TAFA2: variants seen among roughly 807,000 people sequenced by gnomAD.
TAFA2 encodes chemokine-like protein TAFA-2.
TAFA2 carries 7 observed loss-of-function variants against 18.8 expected under a neutral mutation model. The ratio of observed to expected loss-of-function variants is 0.37; its 90% CI spans 0.21 to 0.70. The LOEUF (loss-of-function observed/expected upper bound fraction) is 0.70. TAFA2 is among the 30% of genes least tolerant of loss of function. TAFA2 has a pLI of 0.53. For missense variants in TAFA2, 122 were observed against 158.1 expected (o/e 0.77, Z 1.23); for synonymous variants, 60 against 54.2 (o/e 1.11, Z -0.47).
At chr12:61,903,500 G>T (rs116004575) in intron 1 of TAFA2, among the ~76,000 whole-genome samples, 1 of 151,952 alleles carries the variant, frequency 6.6e-6, no homozygotes, top group African/African-American at 2.4e-5. Flanking sequence ...TCTAAGTTCC[G>T]TAAGAGAAAA....
intron 1 of TAFA2, among the ~76,000 whole-genome samples, chr12:61,909,034 A>T (rs1876489096): frequency 6.6e-6 from 1 of 152,336 alleles, no homozygotes; most frequent in South Asian, 2.1e-4. Flanking sequence ...ACTGTCGGAC[A>T]GTTACAAGAG....
intron 1 of TAFA2, among the ~76,000 whole-genome samples, chr12:61,980,631 G>T (rs1047213622): frequency 1.6e-4 from 25 of 152,118 alleles, no homozygotes; most frequent in African/African-American, 5.8e-4. Flanking sequence ...AAATCAATGT[G>T]CAAAAATCAC....
chr12:61,785,497 T>C (rs1304737487), intron 2 of TAFA2, among the ~76,000 whole-genome samples: 1 of 151,498 alleles, frequency 6.6e-6, no homozygotes, highest in Admixed American at 6.6e-5. Flanking sequence ...TATCACATTG[T>C]ACTAGAGGGT....
intron 2 of TAFA2, among the ~76,000 whole-genome samples, chr12:61,810,232 A>C (rs1871808823): frequency 6.6e-6 from 1 of 151,426 alleles, no homozygotes; most frequent in Admixed American, 6.6e-5. Flanking sequence ...TTTTTGATAT[A>C]TCAAACTTAA....
intron 2 of TAFA2, among the ~76,000 whole-genome samples, chr12:61,756,336 A>T (rs1869266676): frequency 6.6e-6 from 1 of 152,120 alleles, no homozygotes; most frequent in Admixed American, 6.6e-5. Flanking sequence ...TCAAACACAA[A>T]TCTATCTCTA....
chr12:61,857,409 C>T (rs1412205938), intron 2 of TAFA2, among the ~76,000 whole-genome samples: 1 of 152,018 alleles, frequency 6.6e-6, no homozygotes, highest in Non-Finnish European at 1.5e-5. Flanking sequence ...CCAGTATTTT[C>T]AGAGTGGTGA....
intron 2 of TAFA2, among the ~76,000 whole-genome samples, chr12:61,864,549 G>A (rs747880314): frequency 4.0e-5 from 6 of 151,154 alleles, no homozygotes; most frequent in Non-Finnish European, 5.9e-5. Context: ...CGAGGCGGGC[G>A]GATCACGAGG....
chr12:62,113,691 C>T (rs935107558), intron 1 of TAFA2, among the ~76,000 whole-genome samples: 13 of 152,118 alleles, frequency 8.5e-5, no homozygotes, highest in Non-Finnish European at 1.6e-4. Flanking sequence ...ATGCCCTGCC[C>T]AGAGAGGAGA....
intron 1 of TAFA2, among the ~76,000 whole-genome samples, chr12:62,001,486 G>A (rs1247078318): frequency 2.0e-5 from 3 of 152,136 alleles, no homozygotes; most frequent in Non-Finnish European, 4.4e-5. Context: ...GGTGATGGGA[G>A]ACAGTGACAA....
At position 62,009,453 on chromosome 12, in the gene TAFA2, G is replaced by A. The variant is rs543471907; in HGVS notation, c.-1-142027C>T. Among the ~76,000 whole-genome samples, 14 of 152,200 alleles carry A rather than the reference G, an allele frequency of 9.2e-5. No individual in the cohort carries two copies. In the South Asian group the frequency reaches 1.2e-3, roughly 14 times the overall value. On this transcript the variant is annotated intron_variant, in intron 1 of 4. Coordinates refer to ENST00000416284, the MANE Select transcript of TAFA2 (RefSeq NM_178539.5). ...TACATAATCCCAACCTCTTTAGAGC[G>A]GACAGAAGATATAACATGGCACAGA...
At chr12:62,121,497 A>G (rs1009112696) in intron 1 of TAFA2, among the ~76,000 whole-genome samples, 8 of 152,166 alleles carry the variant, frequency 5.3e-5, no homozygotes, top group African/African-American at 1.9e-4. Flanking sequence ...AAATTACATG[A>G]TGTATGAGAG....
intron 1 of TAFA2, among the ~76,000 whole-genome samples, chr12:62,139,517 T>G (rs1010024515): frequency 6.6e-6 from 1 of 152,174 alleles, no homozygotes; most frequent in Non-Finnish European, 1.5e-5. Flanking sequence ...TAATCTAATA[T>G]AAAATCAAAC....
chr12:62,022,711 G>A (rs1353006020), intron 1 of TAFA2, among the ~76,000 whole-genome samples: 1 of 152,146 alleles, frequency 6.6e-6, no homozygotes, highest in African/African-American at 2.4e-5. Context: ...TTAGGCAAAT[G>A]TACTGAACAG....
rs151182053 is a variant in TAFA2 at position 61,737,443 on chromosome 12, A to C, written c.384+16179T>G. 4.3e-3 allele frequency among the ~76,000 whole-genome samples: 652 copies of C among 152,056 alleles called. 6 individuals are homozygous for C. Among genetic ancestry groups the C allele is most frequent in the African/African-American group, 0.014 (575 of 41,524 alleles). On this transcript the variant is annotated intron_variant, in intron 4 of 4. Transcript: ENST00000416284. ...TATCTAATAGTAATAGTGATGAGAA[A>C]GACAATGATGAATATAGATTTTCAG... is the stretch of plus-strand genomic sequence containing the variant.
At chr12:61,926,455 C>G (rs923292272) in intron 1 of TAFA2, among the ~76,000 whole-genome samples, 1 of 152,104 alleles carries the variant, frequency 6.6e-6, no homozygotes, top group Non-Finnish European at 1.5e-5. Flanking sequence ...CAATAAAATA[C>G]GGGCAAACCA....
At chr12:61,773,475 A>T (rs568241235) in intron 2 of TAFA2, among the ~76,000 whole-genome samples, 1 of 152,202 alleles carries the variant, frequency 6.6e-6, no homozygotes, top group Non-Finnish European at 1.5e-5. Context: ...GGCTATAGTC[A>T]CCAAAACATC....
intron 2 of TAFA2, among the ~76,000 whole-genome samples, chr12:61,803,511 G>A (rs2120979403): frequency 6.6e-6 from 1 of 151,878 alleles, no homozygotes; most frequent in South Asian, 2.1e-4. Context: ...ATGATTAAGA[G>A]CAATATACTA....
At chr12:61,796,778 C>T (rs1235515408) in intron 2 of TAFA2, among the ~76,000 whole-genome samples, 1 of 152,076 alleles carries the variant, frequency 6.6e-6, no homozygotes, top group African/African-American at 2.4e-5. Flanking sequence ...ATAGTGCCTT[C>T]CTTCAATTTA....
intron 1 of TAFA2, among the ~76,000 whole-genome samples, chr12:62,163,654 A>G (rs2062420554): frequency 1.3e-5 from 2 of 152,176 alleles, no homozygotes; most frequent in South Asian, 4.1e-4. Context: ...CGGAAATGTA[A>G]GTGCCCACAG....
Sources: allele counts gnomAD v4.1 joint callset (sites outside exome capture counted in the v4.1 genomes callset), GRCh38; gene constraint gnomAD v4.1.1; transcripts MANE v1.5; gene names NCBI Gene and HGNC (gene_info 2026-07-23, HGNC 2026-07-21).